RSRC1: variants seen among roughly 807,000 people sequenced by gnomAD.
The protein encoded by RSRC1 is arginine and serine rich coiled-coil 1.
In RSRC1, 39 loss-of-function variants were observed where a neutral mutation model predicts 49.1. The observed-to-expected ratio is 0.79, with a 90% CI of 0.61 to 1.04. The LOEUF is 1.04. RSRC1 is among the 50% of genes least tolerant of loss of function. RSRC1 has a pLI of 0.00. For synonymous variants in RSRC1, 143 were observed against 130.8 expected, an observed-to-expected ratio of 1.09 and a Z score of -0.63; for missense variants, 388 against 402.4, an observed-to-expected ratio of 0.96 and a Z score of 0.31.
chr3:158,267,873 T>TTA (rs1224236879), intron 4 of RSRC1, among the ~76,000 whole-genome samples: 1 of 149,486 alleles, frequency 6.7e-6, no homozygotes, highest in African/African-American at 2.4e-5. Flanking sequence ...TTTTTTTTTT[T>TTA]TTTTTGGCTT....
chr3:158,399,956 A>G (rs750212349), intron 6 of RSRC1, among the ~76,000 whole-genome samples: 1 of 152,200 alleles, frequency 6.6e-6, no homozygotes, highest in Non-Finnish European at 1.5e-5. Context: ...AAGAAAGAAC[A>G]GTGAAAACAT....
At chr3:158,510,764 T>C (rs555379453) in intron 7 of RSRC1, among the ~76,000 whole-genome samples, 4 of 152,300 alleles carry the variant, frequency 2.6e-5, no homozygotes, top group African/African-American at 9.6e-5. Flanking sequence ...TCTAACTGTA[T>C]TGGAATTGAT....
At chr3:158,451,197 C>T (rs1372745960) in intron 6 of RSRC1, among the ~76,000 whole-genome samples, 3 of 151,732 alleles carry the variant, frequency 2.0e-5, no homozygotes, top group African/African-American at 7.3e-5. Flanking sequence ...TTGCTGATAA[C>T]TAAAAGTTGT....
intron 5 of RSRC1, among the ~76,000 whole-genome samples, chr3:158,353,949 A>G (rs1445965518): frequency 6.7e-6 from 1 of 148,734 alleles, no homozygotes; most frequent in Non-Finnish European, 1.5e-5. Context: ...TTATCCAAAA[A>G]TCTCAGAGTG....
chr3:158,140,017 T>C (rs1716646133), intron 3 of RSRC1, among the ~76,000 whole-genome samples: 1 of 152,206 alleles, frequency 6.6e-6, no homozygotes, highest in Non-Finnish European at 1.5e-5. Flanking sequence ...CAAAGATTTG[T>C]GTTGAAATAC....
At chr3:158,205,513 G>A (rs935098497) in intron 4 of RSRC1, among the ~76,000 whole-genome samples, 3 of 152,060 alleles carry the variant, frequency 2.0e-5, no homozygotes, top group African/African-American at 7.2e-5. Context: ...TGCCAGTACT[G>A]CTTGGAGCTT....
chr3:158,471,897 A>G (rs1738147727), intron 7 of RSRC1, among the ~76,000 whole-genome samples: 1 of 152,196 alleles, frequency 6.6e-6, no homozygotes, highest in South Asian at 2.1e-4. Flanking sequence ...AGTAAACACC[A>G]AAGTCCTAAG....
At chr3:158,148,629 G>A (rs1407316124) in intron 3 of RSRC1, among the ~76,000 whole-genome samples, 1 of 151,970 alleles carries the variant, frequency 6.6e-6, no homozygotes, top group East Asian at 1.9e-4. Context: ...TATTCTCTAG[G>A]AGCCCTTAGC....
intron 4 of RSRC1, among the ~76,000 whole-genome samples, chr3:158,246,191 G>A (rs887939915): frequency 6.7e-6 from 1 of 149,058 alleles, no homozygotes; most frequent in Non-Finnish European, 1.5e-5. Context: ...GGTGGGAATT[G>A]AACAATGAGA....
chr3:158,531,220 T>C (rs1189466910), intron 7 of RSRC1, among the ~76,000 whole-genome samples: 5 of 151,694 alleles, frequency 3.3e-5, no homozygotes, highest in Non-Finnish European at 7.4e-5. Context: ...GCCAAATGAA[T>C]TATGCAAGAG....
At chr3:158,159,000 A>G (rs548538815) in intron 3 of RSRC1, among the ~76,000 whole-genome samples, 69 of 152,124 alleles carry the variant, frequency 4.5e-4, no homozygotes, top group African/African-American at 1.6e-3. Context: ...AAAGCCTTTC[A>G]AGTGATGCTG....
chr3:158,132,239 G>A (rs1242728482), intron 3 of RSRC1: 4 of 359,112 alleles, frequency 1.1e-5, no homozygotes, highest in Non-Finnish European at 2.4e-5. Flanking sequence ...CCCTGCCTTG[G>A]CCTCACTAAG....
At chr3:158,206,684 C>T (rs934771370) in intron 4 of RSRC1, among the ~76,000 whole-genome samples, 3 of 151,998 alleles carry the variant, frequency 2.0e-5, no homozygotes, top group Non-Finnish European at 4.4e-5. Context: ...GAGGCCGAGG[C>T]GGGTGGATCA....
chr3:158,311,358 G>A (rs778291369), intron 5 of RSRC1, among the ~76,000 whole-genome samples: 15 of 151,714 alleles, frequency 9.9e-5, no homozygotes, highest in Non-Finnish European at 1.8e-4. Flanking sequence ...AAATGCTCCA[G>A]AACAGCGTAT....
intron 6 of RSRC1, among the ~76,000 whole-genome samples, chr3:158,425,239 A>G (rs1001920593): frequency 6.6e-6 from 1 of 152,184 alleles, no homozygotes; most frequent in East Asian, 1.9e-4. Flanking sequence ...TTCCCTCTAC[A>G]CACTGCTTTG....
chr3:158,489,018 C>A (rs1738951533), intron 7 of RSRC1, among the ~76,000 whole-genome samples: 1 of 152,176 alleles, frequency 6.6e-6, no homozygotes, highest in Non-Finnish European at 1.5e-5. Context: ...CTAACCTGAA[C>A]TCACATTTTT....
chr3:158,122,040 T>C, intron 1 of RSRC1, 63 bp from the exon 2 acceptor site: 1 of 879,274 alleles, frequency 1.1e-6, no homozygotes, highest in Non-Finnish European at 1.6e-6. Context: ...AAAATTAATA[T>C]ATTGCATTTC....
At chr3:158,256,252 TGA>T (rs1724550090) in intron 4 of RSRC1, among the ~76,000 whole-genome samples, 1 of 152,220 alleles carries the variant, frequency 6.6e-6, no homozygotes, top group South Asian at 2.1e-4. Flanking sequence ...CCTAGTTTAT[TGA>T]GAGTTTTTAG....
intron 8 of RSRC1, among the ~76,000 whole-genome samples, chr3:158,543,012 G>T (rs1439787234): frequency 6.6e-6 from 1 of 151,950 alleles, no homozygotes; most frequent in East Asian, 1.9e-4. Context: ...AGAAAAATGT[G>T]CTTATCATAA....
Sources: allele counts gnomAD v4.1 joint callset (sites outside exome capture counted in the v4.1 genomes callset), GRCh38; gene constraint gnomAD v4.1.1; transcripts MANE v1.5; gene names NCBI Gene and HGNC (gene_info 2026-07-23, HGNC 2026-07-21).